CMSS1: variants seen among roughly 807,000 people sequenced by gnomAD.
CMSS1 encodes protein CMSS1.
CMSS1 carries 33 observed loss-of-function variants against 43.5 expected under a neutral mutation model. The ratio of observed to expected loss-of-function variants is 0.76; its 90% CI spans 0.57 to 1.01. The LOEUF (loss-of-function observed/expected upper bound fraction) is 1.01, where lower values mean the gene tolerates loss of function less well. CMSS1 is among the 50% of genes least tolerant of loss of function. CMSS1 has a pLI of 0.00. For missense variants in CMSS1, 313 were observed against 326.4 expected (o/e 0.96, Z 0.32); for synonymous variants, 115 against 117.2 (o/e 0.98, Z 0.12).
chr3:100,089,477 T>C (rs1470223874), intron 1 of CMSS1, among the ~76,000 whole-genome samples: 2 of 152,084 alleles, frequency 1.3e-5, no homozygotes, highest in Admixed American at 6.6e-5. Flanking sequence ...CCCTAAAGAG[T>C]AGATGGAGAT....
intron 3 of CMSS1, among the ~76,000 whole-genome samples, chr3:100,161,002 C>T (rs973896333): frequency 3.3e-5 from 5 of 152,190 alleles, no homozygotes; most frequent in African/African-American, 1.2e-4. Flanking sequence ...CCCTACCTTG[C>T]ATTTTGATAT....
chr3:100,166,787 G>C (rs2067069666), intron 5 of CMSS1, among the ~76,000 whole-genome samples: 2 of 152,164 alleles, frequency 1.3e-5, no homozygotes, highest in Non-Finnish European at 2.9e-5. Context: ...TCCCAGGCTG[G>C]AGTGCAGTGG....
chr3:100,111,740 C>T (rs1172993749), intron 1 of CMSS1, among the ~76,000 whole-genome samples: 1 of 152,152 alleles, frequency 6.6e-6, no homozygotes. Context: ...TTCTGAAGAA[C>T]CAGATGGTAT....
intron 1 of CMSS1, among the ~76,000 whole-genome samples, chr3:99,939,805 C>T (rs993059677): frequency 1.2e-4 from 18 of 152,308 alleles, no homozygotes; most frequent in African/African-American, 4.3e-4. Context: ...GCAGATTCCT[C>T]GTCTGCAAGA....
At chr3:99,890,668 T>C (rs548883286) in intron 1 of CMSS1, among the ~76,000 whole-genome samples, 1 of 152,246 alleles carries the variant, frequency 6.6e-6, no homozygotes, top group African/African-American at 2.4e-5. Flanking sequence ...TCTATTTGTT[T>C]TTCTAGTTTG....
chr3:99,831,438 A>G (rs748386937), intron 1 of CMSS1, among the ~76,000 whole-genome samples: 12 of 152,358 alleles, frequency 7.9e-5, no homozygotes, highest in Admixed American at 2.0e-4. Context: ...TATAGTAAGT[A>G]TGCTATGAGA....
chr3:99,950,636 C>G (rs541661109), intron 1 of CMSS1, among the ~76,000 whole-genome samples: 66 of 152,306 alleles, frequency 4.3e-4, no homozygotes, highest in African/African-American at 1.5e-3. Flanking sequence ...ACTATCCCCA[C>G]TCACCATTTC....
At chr3:99,856,421 G>C (rs1295476604) in intron 1 of CMSS1, among the ~76,000 whole-genome samples, 1 of 152,126 alleles carries the variant, frequency 6.6e-6, no homozygotes, top group Non-Finnish European at 1.5e-5. Context: ...TATTGTCTTG[G>C]AGTACTCATA....
intron 1 of CMSS1, among the ~76,000 whole-genome samples, chr3:100,006,916 TA>T (rs1710005392): frequency 6.6e-6 from 1 of 152,188 alleles, no homozygotes; most frequent in Non-Finnish European, 1.5e-5. Context: ...TTGAGAAGGA[TA>T]AAAAATAACT....
chr3:99,990,671 GCCT>G (rs201457880), intron 1 of CMSS1, among the ~76,000 whole-genome samples: 5,874 of 152,064 alleles, frequency 0.039, 147 homozygotes, highest in Non-Finnish European at 0.062. Context: ...TCATTCCAAA[GCCT>G]CCTGGTATAA....
At chr3:99,819,269 C>T (rs1316327995) in intron 1 of CMSS1, among the ~76,000 whole-genome samples, 1 of 152,174 alleles carries the variant, frequency 6.6e-6, no homozygotes, top group Non-Finnish European at 1.5e-5. Context: ...ATAACTACCC[C>T]TCCCAACTCA....
rs544152712 is a variant in CMSS1 at position 100,144,292 on chromosome 3, C to T, written c.65-2681C>T. Among the ~76,000 whole-genome samples the T allele has an allele frequency of 3.9e-5, 6 of 152,228 alleles. No homozygotes were observed. The South Asian group carries it at 8.3e-4, about 21-fold the overall frequency. On this transcript the variant is annotated intron_variant, in intron 1 of 9. Coordinates refer to ENST00000421999, the MANE Select transcript of CMSS1 (RefSeq NM_032359.4). ...GCTGAAACTATTAGTGTGGATTTGG[C>T]CTCATTACTGCTGGGTGATATAGAA...
chr3:100,155,085 C>T lies in CMSS1; in HGVS notation c.154-5345C>T, dbSNP rs181495491. On this transcript the variant is annotated intron_variant, in intron 2 of 9. Transcript: ENST00000421999. ...CTTACTTTCTGCCTTACAGTTTACA[C>T]GGGTATTTCTTGACTTATCGATTTC... 1.1e-4 allele frequency among the ~76,000 whole-genome samples: 16 copies of T among 152,316 alleles called. 1 individual carries two copies. Among genetic ancestry groups the T allele is most frequent in the Admixed American group, 3.3e-4 (5 of 15,298 alleles).
intron 1 of CMSS1, among the ~76,000 whole-genome samples, chr3:99,935,630 A>T (rs1227668003): frequency 3.3e-5 from 5 of 152,208 alleles, no homozygotes; most frequent in Non-Finnish European, 5.9e-5. Context: ...TCACCCCCTG[A>T]TGGATCCCGT....
At chr3:100,141,463 G>GA (rs1228424892) in intron 1 of CMSS1, 2 of 437,156 alleles carry the variant, frequency 4.6e-6, no homozygotes, top group African/African-American at 4.1e-5. Flanking sequence ...TTGTGGTGAA[G>GA]ACGGCGGTCT....
intron 1 of CMSS1, among the ~76,000 whole-genome samples, chr3:100,036,189 G>A (rs1420318066): frequency 6.6e-6 from 1 of 152,122 alleles, no homozygotes; most frequent in Non-Finnish European, 1.5e-5. Context: ...AACTAAAAAG[G>A]TCTAGAATCA....
chr3:100,074,028 T>G (rs550036661), intron 1 of CMSS1, among the ~76,000 whole-genome samples: 8 of 152,236 alleles, frequency 5.3e-5, no homozygotes, highest in Non-Finnish European at 8.8e-5. Flanking sequence ...GCAAGTCGTC[T>G]TCTACTGTTA....
intron 9 of CMSS1, among the ~76,000 whole-genome samples, chr3:100,178,068 G>T (rs530015219): frequency 6.6e-6 from 1 of 152,138 alleles, no homozygotes; most frequent in Non-Finnish European, 1.5e-5. Flanking sequence ...GCAGTTAGCC[G>T]AGATCACGCC....
intron 1 of CMSS1, among the ~76,000 whole-genome samples, chr3:100,021,476 GT>G (rs780211836): frequency 6.6e-6 from 1 of 151,920 alleles, no homozygotes; most frequent in Non-Finnish European, 1.5e-5. Flanking sequence ...AAGTCTCCTT[GT>G]AGAGAAAATT....
Sources: gnomAD v4.1 joint callset for allele counts (sites outside exome capture counted in the v4.1 genomes callset) on GRCh38, gnomAD v4.1.1 for gene constraint, MANE v1.5 for transcripts, NCBI Gene and HGNC (gene_info 2026-07-23, HGNC 2026-07-21) for gene names.